Variants in DNAJB6 observed in about 807,000 individuals in gnomAD.
DNAJB6 encodes the protein DnaJ heat shock protein family (Hsp40) member B6.
A neutral mutation model predicts 42.7 loss-of-function variants in DNAJB6; 16 were observed. That is an observed-to-expected ratio of 0.37 (90% confidence interval 0.25 to 0.57). The LOEUF (loss-of-function observed/expected upper bound fraction) is 0.57. Ranked by LOEUF, DNAJB6 falls within the 20% of genes least tolerant of loss-of-function variation. The probability of loss-of-function intolerance (pLI) is 0.74; values close to 1 mark genes in which losing one functional copy is unlikely to be tolerated. For synonymous variants in DNAJB6, 170 were observed against 163.5 expected, an observed-to-expected ratio of 1.04 and a Z score of -0.30; for missense variants, 347 against 416.8, an observed-to-expected ratio of 0.83 and a Z score of 1.46.
chr7:157,354,619 G>A (rs1584890482), intron 1 of DNAJB6, among the ~76,000 whole-genome samples: 1 of 152,256 alleles, frequency 6.6e-6, no homozygotes, highest in East Asian at 1.9e-4. Context: ...GATTACAGGT[G>A]TGTGCCACCG....
In DNAJB6 at chr7:157,363,176, A is replaced by G. The variant is rs144525030; in HGVS notation, c.81A>G (p.Ala27=). The part of the protein sequence containing the change: ...EDIKKAYRKL[A]LKWHPDKNPE... ...TCTTTCCAAGATATCGGAAACTGGCACTGAAGTGGCATCCAGATAAAAATC... is the reference window on the plus strand; with the variant it reads ...TCTTTCCAAGATATCGGAAACTGGCGCTGAAGTGGCATCCAGATAAAAATC... The change falls in exon 3 of 10, where the codon GCA becomes GCG. Residue 27 remains alanine, a synonymous_variant. Transcript: ENST00000262177. 98 of 1,607,862 alleles carry G rather than the reference A, an allele frequency of 6.1e-5. No individual in the cohort carries two copies. In the African/African-American group the frequency reaches 1.1e-3, roughly 18 times the overall value.
chr7:157,370,831 C>T (rs1014297250), intron 5 of DNAJB6: 1 of 152,668 alleles, frequency 6.6e-6, no homozygotes, highest in African/African-American at 2.4e-5. Flanking sequence ...TGCTCCATGG[C>T]TGCTATATGT....
intron 8 of DNAJB6, among the ~76,000 whole-genome samples, chr7:157,406,040 G>A (rs1795755797): frequency 6.6e-6 from 1 of 152,234 alleles, no homozygotes; most frequent in African/African-American, 2.4e-5. Context: ...GCAGGAGGAC[G>A]CCCAGAGCCT....
At chr7:157,377,184 T>C (rs1800517186) in intron 5 of DNAJB6, among the ~76,000 whole-genome samples, 1 of 150,746 alleles carries the variant, frequency 6.6e-6, no homozygotes, top group South Asian at 2.1e-4. Context: ...ATTGGGAGGG[T>C]CTGGAAGAAA....
intron 2 of DNAJB6, 107 bp downstream of exon 2, chr7:157,358,744 C>G (rs948048247): frequency 2.3e-6 from 2 of 858,014 alleles, no homozygotes; most frequent in Admixed American, 4.1e-5. Flanking sequence ...ATGTAGTATA[C>G]CAGTCTTTGA....
At chr7:157,410,081 G>A (rs1795920553) in intron 9 of DNAJB6, 80 bp downstream of exon 9, 2 of 1,460,740 alleles carry the variant, frequency 1.4e-6, no homozygotes, top group East Asian at 2.5e-5. Context: ...GACACAAACC[G>A]CGCCTGGGCT....
In DNAJB6 at chr7:157,417,267, G is replaced by A. The variant is rs948204012; in HGVS notation, c.*1169G>A. 5 of 152,224 alleles carry A rather than the reference G, an allele frequency of 3.3e-5. No homozygotes were observed. The highest frequency in any genetic ancestry group is 5.9e-5 in the Non-Finnish European group (4 of 68,040). 9.4% of individuals were successfully genotyped at this position (152,224 alleles called of 1,614,324 possible). Reference sequence around the variant, plus strand: ...ACCCAGGCTTGGGAGCCAGAAACAAGTGTGACCTGGGATTTTATTTAACAC... The same window carrying A: ...ACCCAGGCTTGGGAGCCAGAAACAAATGTGACCTGGGATTTTATTTAACAC... On this transcript the variant is annotated 3_prime_UTR_variant, in exon 10 of 10. Transcript: ENST00000262177.
intron 1 of DNAJB6, among the ~76,000 whole-genome samples, chr7:157,356,832 A>G (rs1355162921): frequency 1.3e-5 from 2 of 152,254 alleles, no homozygotes; most frequent in Non-Finnish European, 2.9e-5. Context: ...TAGTTGGCAT[A>G]TTAAACTTAA....
chr7:157,396,680 C>T (rs1036370632), intron 8 of DNAJB6, among the ~76,000 whole-genome samples: 1 of 152,200 alleles, frequency 6.6e-6, no homozygotes, highest in Non-Finnish European at 1.5e-5. Flanking sequence ...TGTGTCCATA[C>T]TAAAACATGA....
chr7:157,374,222 T>C (rs1042670578), intron 5 of DNAJB6, among the ~76,000 whole-genome samples: 3 of 152,276 alleles, frequency 2.0e-5, no homozygotes, highest in Non-Finnish European at 2.9e-5. Flanking sequence ...TGTGTGCGTA[T>C]TTGAGAACTC....
chr7:157,377,473 G>T (rs1800528988), intron 5 of DNAJB6, among the ~76,000 whole-genome samples: 1 of 152,208 alleles, frequency 6.6e-6, no homozygotes, highest in African/African-American at 2.4e-5. Flanking sequence ...TGCAGAATCT[G>T]CATGAGTCTA....
At chr7:157,408,583 C>G (rs576790547) in intron 8 of DNAJB6, among the ~76,000 whole-genome samples, 18 of 152,342 alleles carry the variant, frequency 1.2e-4, no homozygotes, top group Admixed American at 1.2e-3. Flanking sequence ...CAGAGCCTGG[C>G]CTGAGGGGAC....
At chr7:157,379,242 AC>A (rs776552126) in intron 5 of DNAJB6, 1 of 152,248 alleles carries the variant, frequency 6.6e-6, no homozygotes, top group Non-Finnish European at 1.5e-5. Context: ...TAGTACTGTT[AC>A]CACTGAGACA....
intron 5 of DNAJB6, chr7:157,369,197 A>T: frequency 2.3e-6 from 1 of 443,382 alleles, no homozygotes; most frequent in Non-Finnish European, 4.5e-6. Context: ...CCATCAGCAG[A>T]AACAGAGCTC....
chr7:157,360,305 C>G (rs1001176815), intron 2 of DNAJB6, among the ~76,000 whole-genome samples: 1 of 152,130 alleles, frequency 6.6e-6, no homozygotes, highest in Admixed American at 6.5e-5. Context: ...GGCTTATTAT[C>G]AGGAGAATAG....
chr7:157,369,568 T>C lies in DNAJB6; in HGVS notation c.346+2085T>C. On this transcript the variant is annotated intron_variant, in intron 5 of 9. Transcript: ENST00000262177. ...TTAAACAGGGCTTTCTTACCATTAT[T>C]ATTAAACAGGCCGTTTCTCAACATT... 5.9e-6 allele frequency: 2 copies of C among 340,350 alleles called. 1 individual carries two copies. The highest frequency in any genetic ancestry group is 1.1e-5 in the Non-Finnish European group (2 of 173,960). The allele number at this position is 340,350 out of a possible 1,614,324, so 21.1% of individuals were successfully genotyped here.
At chr7:157,348,575 C>T (rs115341030) in intron 1 of DNAJB6, among the ~76,000 whole-genome samples, 3 of 152,198 alleles carry the variant, frequency 2.0e-5, no homozygotes, top group East Asian at 1.9e-4. Context: ...TTTTGATTCC[C>T]GCACATATCG....
intron 2 of DNAJB6, among the ~76,000 whole-genome samples, chr7:157,361,638 T>C (rs977478214): frequency 1.3e-5 from 2 of 152,244 alleles, no homozygotes; most frequent in African/African-American, 4.8e-5. Flanking sequence ...CAGATTAGTA[T>C]ACTAGTCTGA....
At chr7:157,391,768 C>T (rs575096416) in intron 8 of DNAJB6, among the ~76,000 whole-genome samples, 4 of 152,220 alleles carry the variant, frequency 2.6e-5, no homozygotes, top group African/African-American at 7.2e-5. Flanking sequence ...AATTAGGTAC[C>T]TAGAAGTTGA....
Sources: gnomAD v4.1 joint callset for allele counts (sites outside exome capture counted in the v4.1 genomes callset) on GRCh38, gnomAD v4.1.1 for gene constraint, MANE v1.5 for transcripts, NCBI Gene and HGNC (gene_info 2026-07-23, HGNC 2026-07-21) for gene names.